Variants in ATRNL1 observed in about 807,000 individuals in gnomAD.
ATRNL1 encodes the protein attractin-like protein 1.
ATRNL1 carries 95 observed loss-of-function variants against 182.7 expected under a neutral mutation model. That is an observed-to-expected ratio of 0.52 (90% CI 0.44 to 0.62). The LOEUF is 0.62. Among genes scored for constraint, ATRNL1 ranks in the 20% least tolerant of loss-of-function variants. ATRNL1 has a pLI of 0.00. For synonymous variants in ATRNL1, 576 were observed against 568.3 expected (o/e 1.01, Z -0.19); for missense variants, 1,471 against 1,679.5 (o/e 0.88, Z 2.17).
intron 19 of ATRNL1, among the ~76,000 whole-genome samples, chr10:115,373,720 A>G (rs1464738683): frequency 6.6e-6 from 1 of 151,866 alleles, no homozygotes; most frequent in Non-Finnish European, 1.5e-5. Flanking sequence ...CTTGATCTTG[A>G]TGAATGATTT....
intron 26 of ATRNL1, among the ~76,000 whole-genome samples, chr10:115,643,291 C>A (rs370097550): frequency 1.2e-4 from 18 of 152,168 alleles, no homozygotes; most frequent in East Asian, 5.8e-4. Context: ...ATAATAATAA[C>A]TTTGACCTCA....
chr10:115,160,754 C>A (rs1846746469), intron 6 of ATRNL1, among the ~76,000 whole-genome samples: 1 of 151,776 alleles, frequency 6.6e-6, no homozygotes, highest in Non-Finnish European at 1.5e-5. Flanking sequence ...TATCTGATTT[C>A]TTTTTCAGCT....
intron 11 of ATRNL1, among the ~76,000 whole-genome samples, chr10:115,265,834 A>C (rs1851586787): frequency 6.6e-6 from 1 of 151,790 alleles, no homozygotes; most frequent in African/African-American, 2.4e-5. Flanking sequence ...AAATTTGGTA[A>C]TTTGGAATCC....
chr10:115,902,742 G>A (rs572127820), intron 28 of ATRNL1, among the ~76,000 whole-genome samples: 1 of 152,278 alleles, frequency 6.6e-6, no homozygotes, highest in African/African-American at 2.4e-5. Context: ...GAAATCAATT[G>A]GATGTGAATT....
chr10:115,428,595 GTTGT>G (rs1846010271), intron 21 of ATRNL1, among the ~76,000 whole-genome samples: 1 of 151,942 alleles, frequency 6.6e-6, no homozygotes, highest in South Asian at 2.1e-4. Context: ...ATCAGAAATG[GTTGT>G]TTATGTCCAA....
chr10:115,433,916 A>G (rs1252913136), intron 21 of ATRNL1, among the ~76,000 whole-genome samples: 1 of 152,196 alleles, frequency 6.6e-6, no homozygotes, highest in African/African-American at 2.4e-5. Context: ...AGGTCCCCCA[A>G]GTTGAGTTGT....
intron 11 of ATRNL1, among the ~76,000 whole-genome samples, chr10:115,266,410 T>C (rs1554910688): frequency 1.3e-5 from 2 of 151,606 alleles, no homozygotes; most frequent in Non-Finnish European, 3.0e-5. Context: ...ATAGCTATTA[T>C]CTATTTTTTT....
At chr10:115,824,208 G>A (rs1016498293) in intron 27 of ATRNL1, among the ~76,000 whole-genome samples, 3 of 152,294 alleles carry the variant, frequency 2.0e-5, no homozygotes, top group Middle Eastern at 3.4e-3. Flanking sequence ...ATGTTGTTGA[G>A]AAAACTGGCT....
intron 25 of ATRNL1, among the ~76,000 whole-genome samples, chr10:115,527,936 T>C (rs1592789469): frequency 1.2e-5 from 1 of 84,032 alleles, no homozygotes. Context: ...CCCTCCTTCC[T>C]TCTCCTTCCT....
chr10:115,781,616 C>G (rs1240009954), intron 27 of ATRNL1, among the ~76,000 whole-genome samples: 1 of 152,130 alleles, frequency 6.6e-6, no homozygotes, highest in Non-Finnish European at 1.5e-5. Context: ...AAAGACTCAT[C>G]TATGATAGTA....
At chr10:115,717,826 T>A (rs1441468719) in intron 26 of ATRNL1, among the ~76,000 whole-genome samples, 1 of 152,126 alleles carries the variant, frequency 6.6e-6, no homozygotes, top group Non-Finnish European at 1.5e-5. Context: ...AGTGCTGGGA[T>A]TACAGGCGTG....
At position 115,129,756 on chromosome 10, in the gene ATRNL1, C is replaced by G. The variant is rs185395881; in HGVS notation, c.829+221C>G. ...TTTGTCTCCATACTACTTTGAAGAT[C>G]AAATGAAGTTATATATGAAACTGAA... On this transcript the variant is annotated intron_variant, in intron 5 of 28. Transcript: ENST00000355044. Among the ~76,000 whole-genome samples, 1,238 of 152,230 alleles carry G rather than the reference C, an allele frequency of 8.1e-3. 11 individuals are homozygous for G. Among genetic ancestry groups the G allele is most frequent in the South Asian group, 0.016 (79 of 4,814 alleles).
intron 5 of ATRNL1, among the ~76,000 whole-genome samples, chr10:115,137,415 C>T (rs1336402963): frequency 6.6e-6 from 1 of 152,216 alleles, no homozygotes; most frequent in Non-Finnish European, 1.5e-5. Flanking sequence ...GCTAGTATGG[C>T]TATGTTACTG....
chr10:115,482,259 A>T (rs976443073), intron 24 of ATRNL1, among the ~76,000 whole-genome samples: 7 of 151,122 alleles, frequency 4.6e-5, no homozygotes, highest in African/African-American at 1.7e-4. Flanking sequence ...ATATTGCCTT[A>T]CAAATGAATA....
intron 21 of ATRNL1, among the ~76,000 whole-genome samples, chr10:115,442,755 G>A (rs1013415694): frequency 8.6e-5 from 13 of 151,994 alleles, no homozygotes; most frequent in African/African-American, 3.1e-4. Context: ...GTTTATTTGT[G>A]TGATTATTTT....
chr10:115,705,629 T>C (rs2901059), intron 26 of ATRNL1, among the ~76,000 whole-genome samples: 57,025 of 151,400 alleles, frequency 0.38, 11,613 homozygotes, highest in East Asian at 0.65. Context: ...TATAAGATTA[T>C]TGTCTTTTAC....
At chr10:115,940,848 T>C (rs1162979154) in intron 28 of ATRNL1, among the ~76,000 whole-genome samples, 2 of 152,184 alleles carry the variant, frequency 1.3e-5, no homozygotes, top group African/African-American at 4.8e-5. Context: ...AGGTTCACCT[T>C]ATATTTAACA....
chr10:115,349,559 G>A (rs1554940657), intron 19 of ATRNL1, among the ~76,000 whole-genome samples: 2 of 152,146 alleles, frequency 1.3e-5, no homozygotes, highest in Non-Finnish European at 2.9e-5. Flanking sequence ...TTTCCATAGT[G>A]GTTGTACTAA....
chr10:115,223,483 T>C lies in ATRNL1; in HGVS notation c.1532+7603T>C, dbSNP rs1287987927. 4.6e-5 allele frequency among the ~76,000 whole-genome samples: 7 copies of C among 152,046 alleles called. 1 individual carries two copies. Among genetic ancestry groups the C allele is most frequent in the African/African-American group, 1.7e-4 (7 of 41,412 alleles). On this transcript the variant is annotated intron_variant, in intron 9 of 28. Transcript: ENST00000355044. ...ATTTATATATAATTTATAACAGTGT[T>C]GAAATAATGTAAAATTGACCAAACA...
Sources: allele counts gnomAD v4.1 joint callset (sites outside exome capture counted in the v4.1 genomes callset), GRCh38; gene constraint gnomAD v4.1.1; transcripts MANE v1.5; gene names NCBI Gene and HGNC (gene_info 2026-07-23, HGNC 2026-07-21).